The following LARGE1 variants were observed in gnomAD, a reference collection of about 807,000 sequenced individuals.
LARGE1 encodes the protein LARGE xylosyl- and glucuronyltransferase 1.
LARGE1 carries 43 observed loss-of-function variants against 87.6 expected under a neutral mutation model. That is an observed-to-expected ratio of 0.49 (90% CI 0.38 to 0.63). The LOEUF (loss-of-function observed/expected upper bound fraction) is 0.63, where lower values mean the gene tolerates loss of function less well. Ranked by LOEUF, LARGE1 falls within the 30% of genes least tolerant of loss-of-function variation. The pLI, the probability that LARGE1 is intolerant of heterozygous loss-of-function variation, is 0.00. For synonymous variants in LARGE1, 434 were observed against 394.6 expected, an observed-to-expected ratio of 1.10 and a Z score of -1.18; for missense variants, 802 against 1,000.2, an observed-to-expected ratio of 0.80 and a Z score of 2.67.
chr22:33,173,504 A>G (rs935930782), intron 11 of LARGE1, among the ~76,000 whole-genome samples: 2 of 152,186 alleles, frequency 1.3e-5, no homozygotes, highest in Non-Finnish European at 2.9e-5. Flanking sequence ...TTAACCTTAA[A>G]TGTAAATGGA....
At chr22:33,143,644 C>G in the LARGE1 span, among the ~76,000 whole-genome samples, 1 of 152,040 alleles carries the variant, frequency 6.6e-6, no homozygotes, top group Non-Finnish European at 1.5e-5. Flanking sequence ...AAGACAATTA[C>G]CCATAATTCT....
chr22:33,581,623 C>T (rs1357181251), intron 5 of LARGE1, among the ~76,000 whole-genome samples: 5 of 151,934 alleles, frequency 3.3e-5, no homozygotes, highest in African/African-American at 9.7e-5. Context: ...ACCAGCCTGA[C>T]CAACATGGTG....
chr22:33,290,115 C>T (rs1408173739), intron 12 of LARGE1, among the ~76,000 whole-genome samples: 1 of 152,116 alleles, frequency 6.6e-6, no homozygotes, highest in Non-Finnish European at 1.5e-5. Context: ...AATTACCAAT[C>T]CTCAACCTGA....
chr22:33,903,581 C>T (rs1226737505), intron 1 of LARGE1, among the ~76,000 whole-genome samples: 1 of 152,168 alleles, frequency 6.6e-6, no homozygotes. Flanking sequence ...AATCTCAGCA[C>T]TTTGGGAGGC....
chr22:33,646,769 C>T (rs1353534673), intron 3 of LARGE1, among the ~76,000 whole-genome samples: 1 of 152,076 alleles, frequency 6.6e-6, no homozygotes, highest in Non-Finnish European at 1.5e-5. Context: ...GCTCTATTGC[C>T]CAGGCTGGAG....
the LARGE1 span, among the ~76,000 whole-genome samples, chr22:33,128,568 A>C: frequency 6.6e-6 from 1 of 151,682 alleles, no homozygotes; most frequent in African/African-American, 2.4e-5. Context: ...CCAGCTACTC[A>C]AGAGGCTGAG....
intron 1 of LARGE1, among the ~76,000 whole-genome samples, chr22:33,854,711 C>A (rs576273673): frequency 6.6e-6 from 1 of 151,786 alleles, no homozygotes; most frequent in Non-Finnish European, 1.5e-5. Flanking sequence ...CAAAGACATT[C>A]TGTGTTACTG....
the LARGE1 span, among the ~76,000 whole-genome samples, chr22:33,150,473 C>T: frequency 6.6e-6 from 1 of 152,144 alleles, no homozygotes; most frequent in African/African-American, 2.4e-5. Context: ...CCTGAAAATT[C>T]AGGATAATCT....
chr22:33,220,975 G>C lies in LARGE1; in HGVS notation c.1731-54143C>G, dbSNP rs116169151. Reference sequence around the variant, plus strand: ...CTCCCTCTCTTTCTCACTCCCACAGGAATGAGGCCCTGAGAAACTGGAAGG... The same window carrying C: ...CTCCCTCTCTTTCTCACTCCCACAGCAATGAGGCCCTGAGAAACTGGAAGG... On this transcript the variant is annotated intron_variant, in intron 11 of 11. Transcript: ENST00000608642. 4.9e-3 allele frequency among the ~76,000 whole-genome samples: 753 copies of C among 152,150 alleles called. 11 individuals carry two copies. Among genetic ancestry groups the C allele is most frequent in the African/African-American group, 0.017 (689 of 41,502 alleles).
At chr22:33,365,818 G>A (rs2064566179) in intron 9 of LARGE1, among the ~76,000 whole-genome samples, 1 of 152,096 alleles carries the variant, frequency 6.6e-6, no homozygotes, top group Non-Finnish European at 1.5e-5. Context: ...GGTTTCACAT[G>A]TTGGCCAGGC....
At chr22:33,775,392 G>A (rs670264) in intron 1 of LARGE1, among the ~76,000 whole-genome samples, 48,841 of 152,038 alleles carry the variant, frequency 0.32, 8,061 homozygotes, top group East Asian at 0.48. Context: ...GCTGCTATGC[G>A]GCCTCACACT....
chr22:33,542,203 T>C (rs934434418), intron 6 of LARGE1, among the ~76,000 whole-genome samples: 11 of 150,982 alleles, frequency 7.3e-5, no homozygotes, highest in South Asian at 2.1e-4. Context: ...CCCACTTCCA[T>C]TGTAACTGCT....
intron 2 of LARGE1, among the ~76,000 whole-genome samples, chr22:33,690,286 A>C (rs1462406782): frequency 2.0e-5 from 3 of 152,252 alleles, no homozygotes; most frequent in Non-Finnish European, 4.4e-5. Flanking sequence ...TAATGTTCTT[A>C]GACCTCAGTT....
At chr22:33,263,893 A>G (rs1472059216) in intron 11 of LARGE1, among the ~76,000 whole-genome samples, 1 of 152,214 alleles carries the variant, frequency 6.6e-6, no homozygotes, top group Non-Finnish European at 1.5e-5. Context: ...GGGTTGAGCT[A>G]CCTGGGTTCA....
intron 1 of LARGE1, among the ~76,000 whole-genome samples, chr22:33,854,212 GA>G (rs67771177): frequency 0.25 from 18,310 of 72,688 alleles, 865 homozygotes; most frequent in Non-Finnish European, 0.27. Flanking sequence ...CACTTAAGGG[GA>G]AAAAAAAAAA....
At chr22:33,568,960 A>C (rs550420723) in intron 5 of LARGE1, among the ~76,000 whole-genome samples, 2 of 152,246 alleles carry the variant, frequency 1.3e-5, no homozygotes, top group Non-Finnish European at 2.9e-5. Flanking sequence ...CAAAGCTCTA[A>C]GAGTCAGAAT....
At chr22:33,265,149 C>T (rs1235720691) in intron 11 of LARGE1, among the ~76,000 whole-genome samples, 1 of 152,024 alleles carries the variant, frequency 6.6e-6, no homozygotes, top group South Asian at 2.1e-4. Context: ...AGGTGACCCT[C>T]CCATCTCAGC....
chr22:33,454,708 C>G (rs1183066722), intron 6 of LARGE1, among the ~76,000 whole-genome samples: 1 of 151,810 alleles, frequency 6.6e-6, no homozygotes, highest in Non-Finnish European at 1.5e-5. Flanking sequence ...GCCTCCGCTT[C>G]TGGGGAGGCC....
chr22:33,102,706 G>C, the LARGE1 span, among the ~76,000 whole-genome samples: 1 of 151,486 alleles, frequency 6.6e-6, no homozygotes, highest in Non-Finnish European at 1.5e-5. Context: ...GAGCAGGCTA[G>C]TCTTGAACTC....
Sources: allele counts gnomAD v4.1 joint callset (sites outside exome capture counted in the v4.1 genomes callset), GRCh38; gene constraint gnomAD v4.1.1; transcripts MANE v1.5; gene names NCBI Gene and HGNC (gene_info 2026-07-23, HGNC 2026-07-21).